RHPN2: variants seen among roughly 807,000 people sequenced by gnomAD.
The protein encoded by RHPN2 is rhophilin-2.
In RHPN2, 40 loss-of-function variants were observed where a neutral mutation model predicts 79.0. The ratio of observed to expected loss-of-function variants is 0.51; its 90% CI spans 0.39 to 0.66. The LOEUF (loss-of-function observed/expected upper bound fraction) is 0.66. RHPN2 is among the 30% of genes least tolerant of loss of function. The pLI, the probability that RHPN2 is intolerant of heterozygous loss-of-function variation, is 0.00. For synonymous variants in RHPN2, 285 were observed against 363.5 expected, an observed-to-expected ratio of 0.78 and a Z score of 2.46; for missense variants, 686 against 883.5, an observed-to-expected ratio of 0.78 and a Z score of 2.83.
intron 1 of RHPN2, among the ~76,000 whole-genome samples, chr19:33,059,194 A>G (rs1252397801): frequency 2.0e-5 from 3 of 151,824 alleles, no homozygotes; most frequent in Non-Finnish European, 4.4e-5. Flanking sequence ...GCTGTTGGCA[A>G]TCTTCACCCC....
At chr19:32,988,909 G>C (rs1279349828) in intron 14 of RHPN2, among the ~76,000 whole-genome samples, 1 of 152,158 alleles carries the variant, frequency 6.6e-6, no homozygotes, top group Non-Finnish European at 1.5e-5. Flanking sequence ...TCGCTGGGGG[G>C]CAGGGACCTT....
chr19:32,991,829 A>G lies in RHPN2; in HGVS notation c.1638T>C (p.Ser546=). Residue 546 remains serine, a synonymous_variant, in exon 13 of 15, where the codon TCT becomes TCC. Transcript: ENST00000254260. ...AAGAAAAGCATGTGCTTACCGAGGCAGAGCAGTAAGGATCCAGGAAGTGAA... is the reference window on the plus strand; with the variant it reads ...AAGAAAAGCATGTGCTTACCGAGGCGGAGCAGTAAGGATCCAGGAAGTGAA... ...VQVHFLDPYC[S]ASVAGAREGD... 1.2e-6 allele frequency: 2 copies of G among 1,613,998 alleles called. No homozygotes were observed. The highest frequency in any genetic ancestry group is 1.7e-5 in the Admixed American group (1 of 60,012).
At chr19:33,028,038 T>C (rs1971981957) in intron 2 of RHPN2, among the ~76,000 whole-genome samples, 1 of 152,192 alleles carries the variant, frequency 6.6e-6, no homozygotes, top group Admixed American at 6.6e-5. Flanking sequence ...TAAAACTGTC[T>C]TTATTTACAG....
intron 5 of RHPN2, 90 bp from the exon 6 acceptor site, chr19:33,011,893 G>T: frequency 6.5e-7 from 1 of 1,545,764 alleles, no homozygotes; most frequent in South Asian, 1.1e-5. Context: ...ACCAGCAGGT[G>T]CCTGTAACTA....
chr19:32,979,995 A>T lies in RHPN2; in HGVS notation c.*1T>A, dbSNP rs369819978. The stretch of plus-strand genomic sequence containing the variant: ...GGCCTGAACATGTTTGTTTCCTCAC[A>T]TTAGTACCAAGAACTGTCTGAGTTG... On this transcript the variant is annotated 3_prime_UTR_variant, in exon 15 of 15. Transcript: ENST00000254260. 6.2e-7 allele frequency: 1 copy of T among 1,613,924 alleles called. No homozygotes were observed. Among genetic ancestry groups the T allele is most frequent in the East Asian group, 2.2e-5 (1 of 44,874 alleles).
At chr19:33,064,660 G>A in intron 1 of RHPN2, 124 bp downstream of exon 1, 1 of 995,650 alleles carries the variant, frequency 1.0e-6, no homozygotes, top group Non-Finnish European at 1.4e-6. Context: ...CGCCGGCCCA[G>A]TGCGCCCCCT....
At chr19:32,984,534 A>C (rs1463527688) in intron 14 of RHPN2, among the ~76,000 whole-genome samples, 1 of 151,816 alleles carries the variant, frequency 6.6e-6, no homozygotes, top group Non-Finnish European at 1.5e-5. Flanking sequence ...TGGTGGGTGC[A>C]TGTAATCCCA....
Position 33,026,576 on chromosome 19 carries a change from T to G in RHPN2, c.242A>C (p.Asn81Thr). 1.2e-6 allele frequency: 2 copies of G among 1,608,918 alleles called. No individual in the cohort carries two copies. The highest frequency in any genetic ancestry group is 1.1e-5 in the South Asian group (1 of 91,076). Residue 81 changes from asparagine (N) to threonine (T), a missense_variant, in exon 3 of 15, where the codon AAC (asparagine) becomes ACC (threonine). Coordinates refer to ENST00000254260, the MANE Select transcript of RHPN2 (RefSeq NM_033103.5). ...TTCCTTGAGCATCTGCAGGTCTGAG[T>G]TGACGAAGCTCAGCTCCAGCCGCAC... Reference protein sequence around the residue: ...EQVRLELSFVNSDLQMLKEEL... With the variant: ...EQVRLELSFVTSDLQMLKEEL...
intron 13 of RHPN2, 187 bp from the exon 14 acceptor site, chr19:32,990,856 C>G: frequency 1.7e-6 from 1 of 603,354 alleles, no homozygotes; most frequent in Non-Finnish European, 3.0e-6. Flanking sequence ...ACGGTGAAAC[C>G]CATCTCTACT....
chr19:33,016,051 AAAAC>A (rs35684570), intron 4 of RHPN2, among the ~76,000 whole-genome samples: 18 of 150,824 alleles, frequency 1.2e-4, no homozygotes, highest in African/African-American at 3.4e-4. Context: ...CTCTGTTTCA[AAAAC>A]AAACAAACAA....
intron 2 of RHPN2, among the ~76,000 whole-genome samples, chr19:33,041,914 G>A (rs1031966064): frequency 6.6e-6 from 1 of 152,124 alleles, no homozygotes; most frequent in Admixed American, 6.6e-5. Flanking sequence ...CAGGCACAGG[G>A]GCTCACTCCT....
chr19:33,043,054 G>A (rs1398577417), intron 2 of RHPN2, among the ~76,000 whole-genome samples: 4 of 150,344 alleles, frequency 2.7e-5, no homozygotes, highest in Admixed American at 6.7e-5. Flanking sequence ...ACTCTAGCCT[G>A]GGTGACAGAG....
chr19:33,047,674 C>T (rs1037887015), intron 1 of RHPN2, among the ~76,000 whole-genome samples: 1 of 152,150 alleles, frequency 6.6e-6, no homozygotes, highest in African/African-American at 2.4e-5. Flanking sequence ...TGGCCTGGAC[C>T]CCAGGGAGGG....
chr19:33,061,028 C>T (rs1972275125), intron 1 of RHPN2, among the ~76,000 whole-genome samples: 1 of 152,102 alleles, frequency 6.6e-6, no homozygotes, highest in African/African-American at 2.4e-5. Context: ...CAGGTCTGGT[C>T]CTGCTTTAAA....
intron 1 of RHPN2, 122 bp from the exon 2 acceptor site, chr19:33,044,486 T>C (rs1448511762): frequency 2.2e-5 from 16 of 743,760 alleles, no homozygotes; most frequent in African/African-American, 1.2e-4. Flanking sequence ...AGCATCTACA[T>C]AGAAAATATT....
chr19:33,012,170 T>A (rs991460069), intron 5 of RHPN2, among the ~76,000 whole-genome samples: 6 of 151,594 alleles, frequency 4.0e-5, no homozygotes, highest in African/African-American at 1.2e-4. Context: ...GCCTCCCGAG[T>A]AGCTGGGATT....
At chr19:32,993,791 C>T (rs560342998) in intron 12 of RHPN2, among the ~76,000 whole-genome samples, 186 bp downstream of exon 12, 33 of 152,224 alleles carry the variant, frequency 2.2e-4, no homozygotes, top group African/African-American at 6.0e-4. Flanking sequence ...CAGCAGATAC[C>T]GAATCTGCCC....
chr19:33,027,924 T>C (rs1971981231), intron 2 of RHPN2, among the ~76,000 whole-genome samples: 1 of 152,164 alleles, frequency 6.6e-6, no homozygotes, highest in Admixed American at 6.6e-5. Flanking sequence ...GAATGACTGC[T>C]TTCCTCTTCT....
In RHPN2 at chr19:33,011,728, C is replaced by T. The variant is rs779530907; in HGVS notation, c.544G>A (p.Glu182Lys). Residue 182 changes from glutamate to lysine, a missense_variant, in exon 6 of 15, where the codon GAG (glutamate) becomes AAG (lysine). By Grantham distance (56) the Glu-to-Lys change is moderately conservative. Coordinates refer to ENST00000254260, the MANE Select transcript of RHPN2 (RefSeq NM_033103.5). ...MTYFIQLGFV[E>K]SRFFPPTRQM... ...CGTGTGGGCGGGAAGAATCGACTCTCGACAAAGCCCAGCTGGATGAAGTAT... is the reference window on the plus strand; with the variant it reads ...CGTGTGGGCGGGAAGAATCGACTCTTGACAAAGCCCAGCTGGATGAAGTAT... 1.4e-5 allele frequency: 22 copies of T among 1,613,942 alleles called. No homozygotes were observed. The highest frequency in any genetic ancestry group is 9.9e-5 in the South Asian group (9 of 91,080).
Sources: allele counts gnomAD v4.1 joint callset (sites outside exome capture counted in the v4.1 genomes callset), GRCh38; gene constraint gnomAD v4.1.1; transcripts MANE v1.5; gene names NCBI Gene and HGNC (gene_info 2026-07-23, HGNC 2026-07-21).